Variants in FBXW11 observed in about 807,000 individuals in gnomAD.
FBXW11 encodes F-box/WD repeat-containing protein 11.
A neutral mutation model predicts 77.6 loss-of-function variants in FBXW11; 19 were observed. The observed-to-expected ratio is 0.24, with a 90% confidence interval of 0.17 to 0.36. The LOEUF (loss-of-function observed/expected upper bound fraction) is 0.36, where lower values mean the gene tolerates loss of function less well. Among genes scored for constraint, FBXW11 ranks in the 10% least tolerant of loss-of-function variants. The pLI is 1.00. For synonymous variants in FBXW11, 235 were observed against 249.4 expected (o/e 0.94, Z 0.54); for missense variants, 334 against 704.2 (o/e 0.47, Z 5.95).
rs1758232012 is a variant in FBXW11 at position 171,878,211 on chromosome 5, T to C, written c.853-82A>G. On this transcript the variant is annotated intron_variant, in intron 7 of 13. Transcript: ENST00000517395. ...GTTACTGTCCCACCTTATGTTCTGA[T>C]TATAAAATAAAACACACTTGGGTTA... The C allele has an allele frequency of 6.2e-6, 6 of 974,854 alleles. No homozygotes were observed. The East Asian group carries it at 9.8e-5, about 16-fold the overall frequency. The allele number at this position is 974,854 out of a possible 1,614,324, so 60.4% of individuals were successfully genotyped here.
intron 2 of FBXW11, among the ~76,000 whole-genome samples, chr5:171,929,967 A>G (rs1762086695): frequency 6.6e-6 from 1 of 152,264 alleles, no homozygotes; most frequent in South Asian, 2.1e-4. Context: ...AGCTCTCAGT[A>G]TAACTAAAAG....
rs140264158 is a variant in FBXW11, at chr5:171,872,943, G to A, written c.1269C>T (p.His423=). The change falls in exon 10 of 14, where the codon CAC becomes CAT. Residue 423 remains histidine (H), a synonymous_variant. Coordinates refer to ENST00000517395, the MANE Select transcript of FBXW11 (RefSeq NM_001378974.1). ...TCEFVRTLNG[H]KRGIACLQYR... ...ACTGGAGACAGGCAATGCCCCGCTT[G>A]TGCCCATTGAGAGTACGAACAAATT... 19 of 1,613,954 alleles carry A rather than the reference G, an allele frequency of 1.2e-5. No homozygotes were observed. In the African/African-American group the frequency reaches 2.3e-4, roughly 19 times the overall value.
intron 1 of FBXW11, among the ~76,000 whole-genome samples, chr5:171,983,338 T>C (rs985097405): frequency 1.3e-5 from 2 of 152,190 alleles, no homozygotes; most frequent in African/African-American, 4.8e-5. Flanking sequence ...TTTGTAATAA[T>C]ATCCTTTATG....
chr5:171,957,528 A>T, intron 2 of FBXW11, 69 bp downstream of exon 2: 3 of 1,298,288 alleles, frequency 2.3e-6, no homozygotes, highest in Non-Finnish European at 3.4e-6. Context: ...TAAACACACT[A>T]CTGCAAGTTT....
At chr5:171,923,006 C>T (rs1452659330) in intron 2 of FBXW11, among the ~76,000 whole-genome samples, 14 of 152,242 alleles carry the variant, frequency 9.2e-5, no homozygotes, top group Middle Eastern at 3.4e-3. Context: ...CCTCTGCCTC[C>T]GCGGTTCAAG....
chr5:171,985,899 A>T (rs560455345), intron 1 of FBXW11, among the ~76,000 whole-genome samples: 1 of 152,320 alleles, frequency 6.6e-6, no homozygotes, highest in South Asian at 2.1e-4. Flanking sequence ...ATGAGCCATG[A>T]TCACACCACT....
chr5:171,877,525 G>A (rs1171553427), intron 8 of FBXW11, among the ~76,000 whole-genome samples: 1 of 152,088 alleles, frequency 6.6e-6, no homozygotes, highest in African/African-American at 2.4e-5. Context: ...CATCTCCTAA[G>A]AGGACAAGTT....
In FBXW11 at chr5:171,904,994, T is replaced by C. The variant is rs1054518590; in HGVS notation, c.437-4894A>G. ...CCATCAATTGCTCACAACTAGGCTA[T>C]CATGAGTTTTTACAGAAATAAATCC... On this transcript the variant is annotated intron_variant, in intron 4 of 13. Coordinates refer to ENST00000517395, the MANE Select transcript of FBXW11 (RefSeq NM_001378974.1). The surrounding 1 kb of genome is among the most constrained non-coding windows in gnomAD (Gnocchi z 4.0). 2.6e-5 allele frequency among the ~76,000 whole-genome samples: 4 copies of C among 152,248 alleles called. No homozygotes were observed. The highest frequency in any genetic ancestry group is 9.6e-5 in the African/African-American group (4 of 41,462).
At chr5:171,931,860 CCT>C (rs149065535) in intron 2 of FBXW11, among the ~76,000 whole-genome samples, 753 of 6,222 alleles carry the variant, frequency 0.12, 61 homozygotes, top group Middle Eastern at 0.25. Context: ...TCCCTCCCTC[CCT>C]CTCTCTCTCT....
intron 1 of FBXW11, among the ~76,000 whole-genome samples, chr5:171,958,423 T>C (rs183193966): frequency 2.0e-5 from 3 of 151,790 alleles, no homozygotes; most frequent in East Asian, 3.9e-4. Flanking sequence ...GACAGACTGA[T>C]AGATAAAGGC....
Position 171,868,646 on chromosome 5 carries a change from T to G in FBXW11, c.1681A>C (p.Ile561Leu). Reference sequence around the variant, plus strand: ...GAAAGTGCAGACTGTTATCTAGAGATGTAAGTGTATGTTCTGGAGGGAGAA... The same window carrying G: ...GAAAGTGCAGACTGTTATCTAGAGAGGTAAGTGTATGTTCTGGAGGGAGAA... Reference protein sequence around the residue: ...TRSPSRTYTYISR With the variant: ...TRSPSRTYTYLSR The change falls in exon 13 of 14, where the codon ATC becomes CTC. Residue 561 changes from isoleucine to leucine, a missense_variant. Around this residue, in one of 10 missense-constraint regions of FBXW11, gnomAD observed 20 missense variants for 26.8 expected, o/e 0.75. Transcript: ENST00000517395. The G allele has an allele frequency of 6.2e-7, 1 of 1,613,110 alleles. No homozygotes were observed. The highest frequency in any genetic ancestry group is 8.5e-7 in the Non-Finnish European group (1 of 1,179,664).
Position 171,966,428 on chromosome 5 carries a change from T to C in FBXW11, c.46-8730A>G, listed in dbSNP as rs376729675. 5.3e-5 allele frequency among the ~76,000 whole-genome samples: 8 copies of C among 152,272 alleles called. No individual in the cohort carries two copies. The East Asian group carries it at 1.5e-3, about 29-fold the overall frequency. On this transcript the variant is annotated intron_variant, in intron 1 of 13. Transcript: ENST00000517395. ...AGTTTTTCAGAGCTCTTACAGAAGC[T>C]GGAGGAGGAAAGAATTAGATGTTTG...
chr5:171,976,549 GT>G (rs1764838129), intron 1 of FBXW11, among the ~76,000 whole-genome samples: 1 of 152,080 alleles, frequency 6.6e-6, no homozygotes, highest in Non-Finnish European at 1.5e-5. Flanking sequence ...AATGGTAAGT[GT>G]TTAGGTCATG....
intron 2 of FBXW11, among the ~76,000 whole-genome samples, chr5:171,938,186 G>A (rs1762574735): frequency 6.6e-6 from 1 of 152,144 alleles, no homozygotes; most frequent in South Asian, 2.1e-4. Flanking sequence ...GCTTCCCATG[G>A]AGCTGGGACC....
intron 2 of FBXW11, chr5:171,916,393 C>G (rs979434087): frequency 3.1e-6 from 3 of 969,802 alleles, no homozygotes; most frequent in Admixed American, 6.2e-5. Context: ...ATAAACCCCA[C>G]AGCATCAAGG....
chr5:171,982,567 G>C (rs1000108282), intron 1 of FBXW11, among the ~76,000 whole-genome samples: 64 of 152,176 alleles, frequency 4.2e-4, no homozygotes, highest in African/African-American at 1.5e-3. Flanking sequence ...CCAGCCAGAA[G>C]GGCTAAATTT....
intron 7 of FBXW11, among the ~76,000 whole-genome samples, chr5:171,883,833 C>T (rs370194244): frequency 6.6e-6 from 1 of 151,852 alleles, no homozygotes; most frequent in African/African-American, 2.4e-5. Context: ...TGTTCTTAGC[C>T]CACTTTTTGA....
Position 171,944,391 on chromosome 5 carries a change from T to A in FBXW11, c.147+13206A>T, listed in dbSNP as rs1194165020. ...GAGATCAAGACCATCCTGGCTAACA[T>A]GGTGAAACCCCATCTCTACTAAAAA... is the stretch of plus-strand genomic sequence containing the variant. On this transcript the variant is annotated intron_variant, in intron 2 of 13. Coordinates refer to ENST00000517395, the MANE Select transcript of FBXW11 (RefSeq NM_001378974.1). 2.0e-5 allele frequency among the ~76,000 whole-genome samples: 3 copies of A among 151,576 alleles called. No homozygotes were observed. The East Asian group carries it at 5.8e-4, about 29-fold the overall frequency.
At chr5:171,992,560 G>C (rs557746833) in intron 1 of FBXW11, among the ~76,000 whole-genome samples, 1 of 152,034 alleles carries the variant, frequency 6.6e-6, no homozygotes, top group South Asian at 2.1e-4. Context: ...AAGGAAGAGA[G>C]GAGAGGGTAG....
Sources: gnomAD v4.1 joint callset for allele counts (sites outside exome capture counted in the v4.1 genomes callset) on GRCh38, gnomAD v4.1.1 for gene constraint, gnomAD v4.1.1 regional missense constraint, Gnocchi (gnomAD v3.1) non-coding constraint, MANE v1.5 for transcripts, NCBI Gene and HGNC (gene_info 2026-07-23, HGNC 2026-07-21) for gene names.